COL24A1: variants seen among roughly 807,000 people sequenced by gnomAD.
COL24A1 encodes the protein collagen alpha-1(XXIV) chain.
A neutral mutation model predicts 253.9 loss-of-function variants in COL24A1; 224 were observed. The ratio of observed to expected loss-of-function variants is 0.88; its 90% CI spans 0.79 to 0.99. The LOEUF is 0.99. Among genes scored for constraint, COL24A1 ranks in the 50% least tolerant of loss-of-function variants. The pLI is 0.00. For missense variants in COL24A1, 2,131 were observed against 2,068.5 expected, an observed-to-expected ratio of 1.03 and a Z score of -0.59; for synonymous variants, 685 against 673.7, an observed-to-expected ratio of 1.02 and a Z score of -0.26.
intron 57 of COL24A1, 90 bp downstream of exon 57, chr1:85,744,576 T>C (rs1356318596): frequency 4.5e-6 from 5 of 1,106,626 alleles, no homozygotes; most frequent in African/African-American, 3.2e-5. Context: ...AAACTAACTA[T>C]GATTTGGAGT....
intron 47 of COL24A1, among the ~76,000 whole-genome samples, chr1:85,802,606 A>C (rs1671551854): frequency 6.6e-6 from 1 of 152,144 alleles, no homozygotes; most frequent in South Asian, 2.1e-4. Flanking sequence ...ACACGAAGTA[A>C]ATTTCAAAGT....
intron 47 of COL24A1, among the ~76,000 whole-genome samples, chr1:85,792,137 T>C (rs1330661302): frequency 2.0e-5 from 3 of 152,146 alleles, no homozygotes; most frequent in Admixed American, 6.6e-5. Flanking sequence ...CTAAAATTTA[T>C]TCATATTTAT....
chr1:86,027,584 T>C (rs1698156599), intron 14 of COL24A1, among the ~76,000 whole-genome samples: 1 of 152,192 alleles, frequency 6.6e-6, no homozygotes, highest in Non-Finnish European at 1.5e-5. Flanking sequence ...TGGGAACCTC[T>C]GCCTAGATTT....
At chr1:86,073,310 C>T (rs1265795475) in intron 7 of COL24A1, among the ~76,000 whole-genome samples, 3 of 152,022 alleles carry the variant, frequency 2.0e-5, no homozygotes, top group Admixed American at 6.6e-5. Context: ...AAACACAGCA[C>T]AAGAACTTGG....
chr1:85,745,406 G>A, intron 56 of COL24A1, 35 bp downstream of exon 56: 1 of 1,495,880 alleles, frequency 6.7e-7, no homozygotes, highest in Non-Finnish European at 9.2e-7. Flanking sequence ...TATATTGAGA[G>A]ACAGTGCCAA....
chr1:85,924,076 T>C (rs1037171311), intron 24 of COL24A1, among the ~76,000 whole-genome samples: 6 of 152,096 alleles, frequency 3.9e-5, no homozygotes, highest in Admixed American at 6.5e-5. Context: ...CTAGAAGAAA[T>C]TGATAAATTC....
At chr1:85,944,681 A>G (rs942947359) in intron 24 of COL24A1, among the ~76,000 whole-genome samples, 4 of 151,966 alleles carry the variant, frequency 2.6e-5, no homozygotes, top group African/African-American at 9.7e-5. Context: ...ATGTGCCATG[A>G]TGGTGTGCTG....
At chr1:86,022,791 A>C in intron 16 of COL24A1, 42 bp downstream of exon 16, 1 of 1,354,808 alleles carries the variant, frequency 7.4e-7, no homozygotes, top group East Asian at 2.7e-5. Flanking sequence ...TAAAAGACAA[A>C]TGTGATAAAA....
chr1:85,971,393 C>T lies in COL24A1; in HGVS notation c.2365G>A (p.Gly789Arg). Residue 789 changes from glycine (G) to arginine (R), a missense_variant and splice_region_variant, in exon 21 of 60, where the codon GGA (glycine) becomes AGA (arginine). Gly to Arg is a moderately radical substitution (Grantham distance 125). Coordinates refer to ENST00000370571, the MANE Select transcript of COL24A1 (RefSeq NM_152890.7). ...GGAGGTCCTCTATTTCCAAGGAGTC[C>T]CTATAAAAGCAATATAAATGCACAC... ...PGQNGPEGPK[G>R]LLGNRGPPGP... is the part of the protein sequence containing the mutation. The T allele has an allele frequency of 1.2e-6, 2 of 1,608,570 alleles. No individual in the cohort carries two copies. Among genetic ancestry groups the T allele is most frequent in the Non-Finnish European group, 1.7e-6 (2 of 1,177,278 alleles).
intron 18 of COL24A1, among the ~76,000 whole-genome samples, chr1:86,020,089 A>G (rs1383834104): frequency 1.0e-5 from 1 of 97,736 alleles, no homozygotes; most frequent in Non-Finnish European, 2.0e-5. Flanking sequence ...TTTTTTTGAG[A>G]TGGAGTCTCA....
chr1:85,824,708 C>T (rs969255128), intron 43 of COL24A1, among the ~76,000 whole-genome samples: 4 of 152,052 alleles, frequency 2.6e-5, no homozygotes, highest in Non-Finnish European at 4.4e-5. Flanking sequence ...CTAGCAACAA[C>T]CCAGAAGCGT....
intron 53 of COL24A1, among the ~76,000 whole-genome samples, chr1:85,769,907 T>A (rs1294574696): frequency 2.0e-5 from 3 of 152,188 alleles, no homozygotes; most frequent in Non-Finnish European, 4.4e-5. Flanking sequence ...CCACTCAATT[T>A]TTTTTTCATG....
chr1:86,020,695 C>T (rs1346614288), intron 18 of COL24A1, among the ~76,000 whole-genome samples: 5 of 151,934 alleles, frequency 3.3e-5, no homozygotes, highest in African/African-American at 1.2e-4. Flanking sequence ...TGGTCAAGCG[C>T]TAGAAAAATG....
chr1:85,817,961 A>C, intron 46 of COL24A1, 73 bp downstream of exon 46: 1 of 1,309,786 alleles, frequency 7.6e-7, no homozygotes, highest in Non-Finnish European at 1.1e-6. Flanking sequence ...AATTGGCCCC[A>C]AACTTTTCTG....
intron 19 of COL24A1, among the ~76,000 whole-genome samples, chr1:86,016,666 T>C (rs1430080284): frequency 1.3e-5 from 2 of 152,212 alleles, no homozygotes; most frequent in East Asian, 1.9e-4. Context: ...TATAGACTTT[T>C]AGAAAAGAAG....
chr1:85,977,862 A>G (rs72956207), intron 20 of COL24A1, among the ~76,000 whole-genome samples: 1,695 of 152,324 alleles, frequency 0.011, 27 homozygotes, highest in African/African-American at 0.038. Context: ...ACATCCAAAT[A>G]TAAGAAGATC....
intron 9 of COL24A1, among the ~76,000 whole-genome samples, chr1:86,058,906 A>C (rs1700857866): frequency 6.6e-6 from 1 of 152,172 alleles, no homozygotes; most frequent in African/African-American, 2.4e-5. Flanking sequence ...TGTACATCAC[A>C]TCAAACATAT....
rs1648194322 is a variant in COL24A1 at position 86,125,868 on chromosome 1, G to A, written c.468C>T (p.Tyr156=). ...AGTGCCATTGCTCATCATGAACACTGTAGTTGAAAACTGCAGGCTGCTTTC... is the reference window on the plus strand; with the variant it reads ...AGTGCCATTGCTCATCATGAACACTATAGTTGAAAACTGCAGGCTGCTTTC... ...IRGKQPAVFN[Y]SVHDEQWHSF... is the part of the protein sequence containing the mutation. The change falls in exon 3 of 60, where the codon TAC becomes TAT. Residue 156 remains tyrosine, a synonymous_variant. Transcript: ENST00000370571. 1 of 1,613,194 alleles carries A rather than the reference G, an allele frequency of 6.2e-7. No homozygotes were observed. Among genetic ancestry groups the A allele is most frequent in the Admixed American group, 1.7e-5 (1 of 59,816 alleles).
At chr1:85,782,330 C>T (rs1273083526) in intron 51 of COL24A1, among the ~76,000 whole-genome samples, 4 of 152,188 alleles carry the variant, frequency 2.6e-5, no homozygotes, top group African/African-American at 7.2e-5. Context: ...TCAAGCAATC[C>T]ACCCGCCTTG....
Sources: allele counts gnomAD v4.1 joint callset (sites outside exome capture counted in the v4.1 genomes callset), GRCh38; gene constraint gnomAD v4.1.1; transcripts MANE v1.5; gene names NCBI Gene and HGNC (gene_info 2026-07-23, HGNC 2026-07-21).